NR3C2: variants seen among roughly 807,000 people sequenced by gnomAD.
NR3C2 encodes mineralocorticoid receptor.
In NR3C2, 15 loss-of-function variants were observed where a neutral mutation model predicts 86.4. That is an observed-to-expected ratio of 0.17 (90% confidence interval 0.12 to 0.27). The LOEUF is 0.27. Among genes scored for constraint, NR3C2 ranks in the 10% least tolerant of loss-of-function variants. The probability of loss-of-function intolerance (pLI) is 1.00; values close to 1 mark genes in which losing one functional copy is unlikely to be tolerated. For missense variants in NR3C2, 960 were observed against 1,195.6 expected (o/e 0.80, Z 2.91); for synonymous variants, 458 against 450.5 (o/e 1.02, Z -0.21).
chr4:148,318,236 T>C (rs1191361372), intron 2 of NR3C2, among the ~76,000 whole-genome samples: 1 of 150,690 alleles, frequency 6.6e-6, no homozygotes, highest in Non-Finnish European at 1.5e-5. Context: ...TAGTATTCCA[T>C]GGTGTATATG....
At chr4:148,229,692 T>C (rs754985229) in intron 3 of NR3C2, among the ~76,000 whole-genome samples, 7 of 152,116 alleles carry the variant, frequency 4.6e-5, no homozygotes, top group Non-Finnish European at 7.4e-5. Context: ...TCTGCTAAAG[T>C]AAAGCAAAAA....
At chr4:148,403,568 C>G (rs72658623) in intron 2 of NR3C2, among the ~76,000 whole-genome samples, 26 of 152,162 alleles carry the variant, frequency 1.7e-4, no homozygotes, top group African/African-American at 4.8e-4. Flanking sequence ...ATATTTTTTA[C>G]AGATTGCTCC....
intron 6 of NR3C2, among the ~76,000 whole-genome samples, chr4:148,150,357 C>T (rs1405433170): frequency 1.3e-5 from 2 of 152,118 alleles, no homozygotes; most frequent in Non-Finnish European, 2.9e-5. Context: ...AACATATATT[C>T]CTAGTTTGTT....
intron 2 of NR3C2, among the ~76,000 whole-genome samples, chr4:148,374,641 T>C (rs1746584419): frequency 6.6e-6 from 1 of 152,202 alleles, no homozygotes; most frequent in African/African-American, 2.4e-5. Flanking sequence ...AACCTAAATT[T>C]TCATTTGTGT....
At chr4:148,178,827 C>T (rs561455080) in intron 4 of NR3C2, among the ~76,000 whole-genome samples, 1 of 148,630 alleles carries the variant, frequency 6.7e-6, no homozygotes, top group Non-Finnish European at 1.5e-5. Flanking sequence ...GAGAGATAGG[C>T]AGAGAGAATA....
At chr4:148,129,221 C>T (rs896679152) in intron 6 of NR3C2, among the ~76,000 whole-genome samples, 1 of 152,136 alleles carries the variant, frequency 6.6e-6, no homozygotes, top group Admixed American at 6.5e-5. Context: ...ATATGCTACA[C>T]CATGGATGAA....
intron 2 of NR3C2, among the ~76,000 whole-genome samples, chr4:148,420,908 G>GCCT (rs911290744): frequency 1.3e-5 from 2 of 152,138 alleles, no homozygotes; most frequent in African/African-American, 4.8e-5. Flanking sequence ...GTTTCCTGAG[G>GCCT]CCTCCTCAGA....
At chr4:148,335,425 C>T (rs77165347) in intron 2 of NR3C2, among the ~76,000 whole-genome samples, 137 of 152,194 alleles carry the variant, frequency 9.0e-4, no homozygotes, top group African/African-American at 2.8e-3. Context: ...TCTAGACATG[C>T]GCAGATGGAG....
intron 4 of NR3C2, among the ~76,000 whole-genome samples, chr4:148,184,100 A>G (rs1201101301): frequency 6.6e-6 from 1 of 152,082 alleles, no homozygotes; most frequent in African/African-American, 2.4e-5. Context: ...AGACATTAAG[A>G]AATCCTGTTT....
Position 148,152,697 on chromosome 4 carries a change from C to G in NR3C2, c.2366-84G>C, listed in dbSNP as rs61683011. 2,484 of 1,332,246 alleles carry G rather than the reference C, an allele frequency of 1.9e-3. 39 individuals are homozygous for G. The African/African-American group carries it at 0.032, about 17-fold the overall frequency. 82.5% of individuals were successfully genotyped at this position (1,332,246 alleles called of 1,614,324 possible). A position where few individuals can be genotyped will look rare whatever the true frequency, so the allele number is the denominator to read the frequency against. On this transcript the variant is annotated intron_variant, in intron 5 of 8. Transcript: ENST00000358102. Reference sequence around the variant, plus strand: ...AGATGCTTCTTAAGTCAACCCCAAACAGCCACCTTTCTTTCACTTTTCTCT... The same window carrying G: ...AGATGCTTCTTAAGTCAACCCCAAAGAGCCACCTTTCTTTCACTTTTCTCT...
intron 2 of NR3C2, among the ~76,000 whole-genome samples, chr4:148,366,745 T>C (rs994372828): frequency 1.3e-5 from 2 of 152,058 alleles, no homozygotes; most frequent in Non-Finnish European, 2.9e-5. Flanking sequence ...CTACTCTCCA[T>C]CCTGAATATC....
chr4:148,238,597 T>TAA (rs1374972554), intron 3 of NR3C2, among the ~76,000 whole-genome samples: 1 of 152,146 alleles, frequency 6.6e-6, no homozygotes, highest in Admixed American at 6.6e-5. Flanking sequence ...TAAAATATTA[T>TAA]AATCCCTAAG....
chr4:148,390,510 C>G (rs1404258292), intron 2 of NR3C2, among the ~76,000 whole-genome samples: 1 of 152,056 alleles, frequency 6.6e-6, no homozygotes, highest in Non-Finnish European at 1.5e-5. Context: ...CCAGAATCAC[C>G]TGAAAGGAGG....
chr4:148,151,294 A>G (rs1734091290), intron 6 of NR3C2, among the ~76,000 whole-genome samples: 2 of 152,174 alleles, frequency 1.3e-5, no homozygotes, highest in Admixed American at 6.5e-5. Flanking sequence ...CCTCTTTAAT[A>G]TGTGTTTTCT....
upstream of NR3C2, chr4:148,442,757 G>A (rs769059147): frequency 2.0e-6 from 2 of 985,246 alleles, no homozygotes; most frequent in East Asian, 1.1e-4. Context: ...TTGGGGTGCC[G>A]GGCGGTGGCT....
intron 2 of NR3C2, among the ~76,000 whole-genome samples, chr4:148,334,287 A>T (rs1744374614): frequency 6.6e-6 from 1 of 152,236 alleles, no homozygotes; most frequent in African/African-American, 2.4e-5. Context: ...TCACGCCTAT[A>T]ATCCCAACGC....
intron 3 of NR3C2, among the ~76,000 whole-genome samples, chr4:148,233,127 C>T (rs1410118594): frequency 6.6e-6 from 1 of 152,172 alleles, no homozygotes; most frequent in East Asian, 1.9e-4. Context: ...ACATGGTTTT[C>T]TTTCTTATCA....
intron 2 of NR3C2, among the ~76,000 whole-genome samples, chr4:148,290,019 T>C (rs1741723501): frequency 6.6e-6 from 1 of 152,112 alleles, no homozygotes; most frequent in African/African-American, 2.4e-5. Context: ...GTAAATTTCC[T>C]AGGGTTGCCA....
At position 148,287,809 on chromosome 4, in the gene NR3C2, T is replaced by C. The variant is rs10029951; in HGVS notation, c.1758-27692A>G. ...TTTGGTTACATAACTCTAAAAAATATAGCATGAGCAAACTGTCTCGACTGC... is the reference window on the plus strand; with the variant it reads ...TTTGGTTACATAACTCTAAAAAATACAGCATGAGCAAACTGTCTCGACTGC... On this transcript the variant is annotated intron_variant, in intron 2 of 8. Transcript: ENST00000358102. 6.2e-3 allele frequency among the ~76,000 whole-genome samples: 940 copies of C among 152,248 alleles called. 7 individuals carry two copies. Among genetic ancestry groups the C allele is most frequent in the African/African-American group, 0.022 (912 of 41,542 alleles).
Sources: gnomAD v4.1 joint callset for allele counts (sites outside exome capture counted in the v4.1 genomes callset) on GRCh38, gnomAD v4.1.1 for gene constraint, MANE v1.5 for transcripts, NCBI Gene and HGNC (gene_info 2026-07-23, HGNC 2026-07-21) for gene names.